EAF2: variants seen among roughly 807,000 people sequenced by gnomAD.
The protein encoded by EAF2 is ELL associated factor 2, also known as ELL-associated factor 2.
In EAF2, 29 loss-of-function variants were observed where a neutral mutation model predicts 29.4. The ratio of observed to expected loss-of-function variants is 0.99; its 90% CI spans 0.73 to 1.35. EAF2 has a LOEUF of 1.35. EAF2 is among the 40% of genes most tolerant of loss of function. The probability of loss-of-function intolerance (pLI) is 0.00; values close to 1 mark genes in which losing one functional copy is unlikely to be tolerated. For missense variants in EAF2, 292 were observed against 312.0 expected (o/e 0.94, Z 0.48); for synonymous variants, 103 against 102.5 (o/e 1.00, Z -0.03).
intron 4 of EAF2, among the ~76,000 whole-genome samples, chr3:121,868,336 C>T (rs1576652101): frequency 6.6e-6 from 1 of 152,182 alleles, no homozygotes; most frequent in Non-Finnish European, 1.5e-5. Context: ...CAGTGGCTCA[C>T]GCCTGCAATC....
chr3:121,873,184 A>G, intron 5 of EAF2: 2 of 598,166 alleles, frequency 3.3e-6, no homozygotes, highest in South Asian at 2.1e-5. Flanking sequence ...CTCTGATTCA[A>G]ACCTCTAGGC....
At chr3:121,845,440 CA>C (rs747436052) in intron 2 of EAF2, among the ~76,000 whole-genome samples, 45 of 59,970 alleles carry the variant, frequency 7.5e-4, no homozygotes, top group Non-Finnish European at 1.1e-3. Flanking sequence ...TCCTACATCT[CA>C]AAAAAAAAAA....
At chr3:121,869,113 C>A (rs1708970738) in intron 4 of EAF2, among the ~76,000 whole-genome samples, 1 of 152,106 alleles carries the variant, frequency 6.6e-6, no homozygotes, top group African/African-American at 2.4e-5. Context: ...TCTAAAAGAT[C>A]CATGGGTTAA....
intron 4 of EAF2, among the ~76,000 whole-genome samples, chr3:121,869,025 T>A (rs1708969147): frequency 6.6e-6 from 1 of 152,224 alleles, no homozygotes; most frequent in Non-Finnish European, 1.5e-5. Context: ...ACTATGTATC[T>A]GACCATAATG....
chr3:121,872,371 C>T (rs902402088), intron 4 of EAF2, among the ~76,000 whole-genome samples, 166 bp from the exon 5 acceptor site: 1 of 151,806 alleles, frequency 6.6e-6, no homozygotes, highest in Non-Finnish European at 1.5e-5. Flanking sequence ...TGAAGTATGG[C>T]TTGATGGTAG....
intron 1 of EAF2, among the ~76,000 whole-genome samples, chr3:121,841,484 G>A (rs1262656531): frequency 8.0e-6 from 1 of 124,938 alleles, no homozygotes; most frequent in Non-Finnish European, 1.6e-5. Flanking sequence ...CATCCTAGGC[G>A]GCAGAGGGAG....
At chr3:121,850,542 C>CT (rs1383713667) in intron 2 of EAF2, among the ~76,000 whole-genome samples, 2 of 152,018 alleles carry the variant, frequency 1.3e-5, no homozygotes, top group Non-Finnish European at 2.9e-5. Context: ...AATAATAAGA[C>CT]TTTTTTTCTC....
intron 1 of EAF2, among the ~76,000 whole-genome samples, chr3:121,840,509 G>GAAAA (rs869127997): frequency 1.8e-5 from 1 of 55,682 alleles, no homozygotes; most frequent in East Asian, 5.0e-4. Context: ...AAAAAAAAAA[G>GAAAA]AAAAAAAAAA....
intron 1 of EAF2, 41 bp from the exon 2 acceptor site, chr3:121,844,409 TATC>T (rs1559817585): frequency 2.6e-6 from 3 of 1,170,536 alleles, no homozygotes; most frequent in East Asian, 4.9e-5. Flanking sequence ...TATATCCAAA[TATC>T]ATTACATTTT....
chr3:121,872,813 T>C (rs765673739), intron 5 of EAF2, 25 bp downstream of exon 5: 38 of 1,586,770 alleles, frequency 2.4e-5, no homozygotes, highest in African/African-American at 1.5e-4. Flanking sequence ...ACACAGGCAA[T>C]TGGAAAAGTA....
At chr3:121,845,694 A>G (rs1708518815) in intron 2 of EAF2, among the ~76,000 whole-genome samples, 1 of 151,886 alleles carries the variant, frequency 6.6e-6, no homozygotes, top group Non-Finnish European at 1.5e-5. Flanking sequence ...ACTCTGGCTG[A>G]AAGTCCAATG....
At position 121,862,364 on chromosome 3, in the gene EAF2, C is replaced by T. The variant is rs1708847866; in HGVS notation, c.484+5208C>T. On this transcript the variant is annotated intron_variant, in intron 4 of 5. Transcript: ENST00000273668. Reference sequence around the variant, plus strand: ...GTCCCGTATTCCTGGAGGCTTTGTTCATTTCTTTTTACTCTTTTTACTCTA... The same window carrying T: ...GTCCCGTATTCCTGGAGGCTTTGTTTATTTCTTTTTACTCTTTTTACTCTA... Among the ~76,000 whole-genome samples, 6 of 152,142 alleles carry T rather than the reference C, an allele frequency of 3.9e-5. No individual in the cohort carries two copies. The South Asian group carries it at 1.2e-3, about 31-fold the overall frequency.
chr3:121,840,601 C>G (rs1225245677), intron 1 of EAF2, among the ~76,000 whole-genome samples: 4 of 149,600 alleles, frequency 2.7e-5, no homozygotes, highest in South Asian at 2.1e-4. Context: ...GTCAGGAGAT[C>G]GAGACCATCC....
intron 1 of EAF2, among the ~76,000 whole-genome samples, chr3:121,840,435 G>A (rs1350276357): frequency 1.4e-5 from 2 of 144,424 alleles, no homozygotes; most frequent in African/African-American, 5.2e-5. Context: ...AGATTGTAGT[G>A]GGCCAAGATC....
intron 5 of EAF2, among the ~76,000 whole-genome samples, chr3:121,880,041 C>T (rs979110194): frequency 1.3e-4 from 20 of 152,056 alleles, no homozygotes; most frequent in African/African-American, 4.6e-4. Context: ...TTTTTTGTGA[C>T]CACTTCCATT....
At chr3:121,862,320 G>A (rs1708847103) in intron 4 of EAF2, among the ~76,000 whole-genome samples, 1 of 152,160 alleles carries the variant, frequency 6.6e-6, no homozygotes, top group Non-Finnish European at 1.5e-5. Flanking sequence ...ATCAAACGTA[G>A]ATTTGGTCTT....
At chr3:121,880,180 T>C (rs1284618681) in intron 5 of EAF2, among the ~76,000 whole-genome samples, 3 of 152,142 alleles carry the variant, frequency 2.0e-5, no homozygotes, top group Non-Finnish European at 4.4e-5. Context: ...TCTTGCTCCG[T>C]TGCCCAGGCT....
chr3:121,879,909 A>G (rs993412733), intron 5 of EAF2, among the ~76,000 whole-genome samples: 4 of 151,592 alleles, frequency 2.6e-5, no homozygotes, highest in Non-Finnish European at 5.9e-5. Flanking sequence ...TTTTTTTTGT[A>G]TCTGTGAAGA....
chr3:121,845,626 G>C (rs1365170290), intron 2 of EAF2, among the ~76,000 whole-genome samples: 1 of 151,980 alleles, frequency 6.6e-6, no homozygotes, highest in Non-Finnish European at 1.5e-5. Context: ...GAGGTAACAT[G>C]ATTAGATTTA....
Sources: allele counts gnomAD v4.1 joint callset (sites outside exome capture counted in the v4.1 genomes callset), GRCh38; gene constraint gnomAD v4.1.1; transcripts MANE v1.5; gene names NCBI Gene and HGNC (gene_info 2026-07-23, HGNC 2026-07-21).